GPRC6A: variants seen among roughly 807,000 people sequenced by gnomAD.
GPRC6A encodes G protein-coupled receptor class C group 6 member A, also known as G protein-coupled receptor family C group 6 member A.
A neutral mutation model predicts 47.0 loss-of-function variants in GPRC6A; 54 were observed. That is an observed-to-expected ratio of 1.15 (90% CI 0.92 to 1.44). The LOEUF (loss-of-function observed/expected upper bound fraction) is 1.44. Ranked by LOEUF, GPRC6A falls within the 40% of genes most tolerant of loss-of-function variation. The pLI, the probability that GPRC6A is intolerant of heterozygous loss-of-function variation, is 0.00. For synonymous variants in GPRC6A, 347 were observed against 377.1 expected (o/e 0.92, Z 0.93); for missense variants, 1,112 against 1,105.5 (o/e 1.01, Z -0.08).
At chr6:116,800,341 T>G (rs1772630128) in intron 4 of GPRC6A, among the ~76,000 whole-genome samples, 1 of 137,022 alleles carries the variant, frequency 7.3e-6, no homozygotes, top group African/African-American at 2.7e-5. Context: ...CCTTCCTTCC[T>G]TCTTTCCTTC....
chr6:116,816,691 G>A (rs1030262932), intron 1 of GPRC6A, among the ~76,000 whole-genome samples: 3 of 152,248 alleles, frequency 2.0e-5, no homozygotes, highest in Non-Finnish European at 4.4e-5. Context: ...CACCGTGCGC[G>A]AACCGAAGCA....
rs1352599703 is a variant in GPRC6A, at chr6:116,829,052, G to C, written c.-39C>G. On this transcript the variant is annotated 5_prime_UTR_variant, in exon 1 of 6. Transcript: ENST00000310357. ...TTGCTCAGTTCATGTGAGTTCTTAG[G>C]AATCATTAAGTGCACGGAGTGCCAG... 1 of 1,574,332 alleles carries C rather than the reference G, an allele frequency of 6.4e-7. No individual in the cohort carries two copies. Among genetic ancestry groups the C allele is most frequent in the East Asian group, 2.3e-5 (1 of 44,356 alleles).
chr6:116,827,803 T>G (rs552601972), intron 1 of GPRC6A, among the ~76,000 whole-genome samples: 1 of 152,080 alleles, frequency 6.6e-6, no homozygotes, highest in Non-Finnish European at 1.5e-5. Context: ...TGACAATAGC[T>G]AAAAGTGCCC....
chr6:116,792,088 T>A lies in GPRC6A; in HGVS notation c.*54A>T, dbSNP rs559648893. 6.9e-7 allele frequency: 1 copy of A among 1,447,734 alleles called. No individual in the cohort carries two copies. The highest frequency in any genetic ancestry group is 9.4e-7 in the Non-Finnish European group (1 of 1,063,428). The allele number at this position is 1,447,734 out of a possible 1,614,324, so 89.7% of individuals were successfully genotyped here. Reference sequence around the variant, plus strand: ...TGGGAAAGTAAATTTATATCTTAGATGCAAAGACCCTGGAAACATTTTATT... The same window carrying A: ...TGGGAAAGTAAATTTATATCTTAGAAGCAAAGACCCTGGAAACATTTTATT... On this transcript the variant is annotated 3_prime_UTR_variant, in exon 6 of 6. Coordinates refer to ENST00000310357, the MANE Select transcript of GPRC6A (RefSeq NM_148963.4).
intron 5 of GPRC6A, among the ~76,000 whole-genome samples, chr6:116,794,793 T>C (rs1772424806): frequency 6.6e-6 from 1 of 152,130 alleles, no homozygotes; most frequent in Non-Finnish European, 1.5e-5. Context: ...ATTTTAAATG[T>C]GAGATAATAA....
At chr6:116,803,509 C>T (rs2114590432) in intron 3 of GPRC6A, among the ~76,000 whole-genome samples, 1 of 152,198 alleles carries the variant, frequency 6.6e-6, no homozygotes, top group African/African-American at 2.4e-5. Flanking sequence ...AAAATGTAGA[C>T]TTTTCAATCC....
intron 2 of GPRC6A, among the ~76,000 whole-genome samples, chr6:116,808,217 C>T (rs1330941595): frequency 6.6e-6 from 1 of 152,044 alleles, no homozygotes; most frequent in Non-Finnish European, 1.5e-5. Context: ...AGTTCCCTTC[C>T]AAGTACCTGA....
intron 1 of GPRC6A, among the ~76,000 whole-genome samples, chr6:116,822,863 T>TA (rs578014770): frequency 0.035 from 1,636 of 46,676 alleles, 40 homozygotes; most frequent in African/African-American, 0.11. Context: ...AGTATAATAA[T>TA]AAAAAAAAAG....
At chr6:116,803,179 C>T (rs964789641) in intron 3 of GPRC6A, among the ~76,000 whole-genome samples, 1 of 152,106 alleles carries the variant, frequency 6.6e-6, no homozygotes, top group Non-Finnish European at 1.5e-5. Context: ...TCATCATTTA[C>T]ATCCAATTGA....
At chr6:116,802,793 A>G (rs1031280716) in intron 3 of GPRC6A, among the ~76,000 whole-genome samples, 41 of 152,136 alleles carry the variant, frequency 2.7e-4, no homozygotes, top group African/African-American at 9.4e-4. Context: ...CTTGGTCACT[A>G]GAAACACTTC....
chr6:116,799,575 G>A (rs941217271), intron 4 of GPRC6A, among the ~76,000 whole-genome samples: 3 of 152,124 alleles, frequency 2.0e-5, no homozygotes, highest in Admixed American at 6.6e-5. Flanking sequence ...AAACAATTTC[G>A]ATGGATTGAA....
chr6:116,826,370 T>TC (rs548980352), intron 1 of GPRC6A, among the ~76,000 whole-genome samples: 57 of 151,628 alleles, frequency 3.8e-4, no homozygotes, highest in Non-Finnish European at 7.1e-4. Context: ...TAACAAGTGG[T>TC]CAAAGAACAT....
chr6:116,795,967 T>A, intron 4 of GPRC6A, 132 bp from the exon 5 acceptor site: 1 of 553,734 alleles, frequency 1.8e-6, no homozygotes. Flanking sequence ...GATTATAGAA[T>A]CTTTTTGCCA....
At chr6:116,823,394 C>G (rs545433035) in intron 1 of GPRC6A, among the ~76,000 whole-genome samples, 2 of 152,112 alleles carry the variant, frequency 1.3e-5, no homozygotes, top group African/African-American at 4.8e-5. Context: ...AACCTTTACT[C>G]CAGTTCCTAA....
intron 3 of GPRC6A, 69 bp from the exon 4 acceptor site, chr6:116,800,865 TA>T: frequency 1.1e-6 from 1 of 874,102 alleles, no homozygotes; most frequent in Non-Finnish European, 1.8e-6. Flanking sequence ...ATTCTAATGA[TA>T]ACACTGCCTT....
chr6:116,826,251 C>T (rs908163968), intron 1 of GPRC6A, among the ~76,000 whole-genome samples: 7 of 151,666 alleles, frequency 4.6e-5, no homozygotes, highest in African/African-American at 7.3e-5. Flanking sequence ...AATGAAGAGA[C>T]AACCACTTAC....
chr6:116,803,613 A>G (rs1772745666), intron 3 of GPRC6A, among the ~76,000 whole-genome samples: 1 of 152,110 alleles, frequency 6.6e-6, no homozygotes, highest in African/African-American at 2.4e-5. Context: ...CAAGGCTCTA[A>G]TAATATGTCT....
intron 1 of GPRC6A, among the ~76,000 whole-genome samples, chr6:116,820,760 T>A (rs1009851068): frequency 6.6e-6 from 1 of 150,908 alleles, no homozygotes; most frequent in African/African-American, 2.4e-5. Context: ...TCATACTGAA[T>A]GGGCAAAAAC....
At chr6:116,798,051 T>G (rs2114581938) in intron 4 of GPRC6A, among the ~76,000 whole-genome samples, 1 of 152,368 alleles carries the variant, frequency 6.6e-6, no homozygotes, top group African/African-American at 2.4e-5. Context: ...CTGTTCTAAT[T>G]GTTGAAGCCA....
Sources: gnomAD v4.1 joint callset for allele counts (sites outside exome capture counted in the v4.1 genomes callset) on GRCh38, gnomAD v4.1.1 for gene constraint, MANE v1.5 for transcripts, NCBI Gene and HGNC (gene_info 2026-07-23, HGNC 2026-07-21) for gene names.